The following LMO7 variants were observed in gnomAD, a reference collection of about 807,000 sequenced individuals.
LMO7 encodes LIM domain only protein 7.
LMO7 carries 120 observed loss-of-function variants against 206.5 expected under a neutral mutation model. The ratio of observed to expected loss-of-function variants is 0.58; its 90% CI spans 0.50 to 0.68. The LOEUF (loss-of-function observed/expected upper bound fraction) is 0.68, where lower values mean the gene tolerates loss of function less well. LMO7 is among the 30% of genes least tolerant of loss of function. LMO7 has a pLI of 0.00. For synonymous variants in LMO7, 706 were observed against 681.5 expected (o/e 1.04, Z -0.56); for missense variants, 1,959 against 1,957.9 (o/e 1.00, Z -0.01).
rs150991875 is a variant in LMO7 at position 75,621,869 on chromosome 13, G to A, written c.175+1G>A. The A allele has an allele frequency of 4.5e-4, 715 of 1,585,710 alleles. 1 individual carries two copies. The Middle Eastern group carries it at 9.2e-3, about 20-fold the overall frequency. On this transcript the variant is annotated splice_donor_variant, in intron 1 of 29. Coordinates refer to the LMO7 transcript ENST00000341547. LOFTEE classifies it high-confidence loss of function. ...AGGGACAGAGTCTGCAGCAAAAAAG[G>A]TAATAATAGTTCCTTGAATACTTTT...
rs1424906820 is a variant in LMO7, at chr13:75,838,214, C to A, written c.3451+18C>A. The A allele has an allele frequency of 1.3e-6, 2 of 1,597,846 alleles. No individual in the cohort carries two copies. The highest frequency in any genetic ancestry group is 1.7e-6 in the Non-Finnish European group (2 of 1,165,906). ...TGAACAAGGTAAACCACAAAGCTAACAATTCATGCACTTTCATGGAATTGT... is the reference window on the plus strand; with the variant it reads ...TGAACAAGGTAAACCACAAAGCTAAAAATTCATGCACTTTCATGGAATTGT... On this transcript the variant is annotated intron_variant, in intron 20 of 30. Transcript: ENST00000377534.
intron 1 of LMO7, among the ~76,000 whole-genome samples, chr13:75,666,332 G>A (rs1312555469): frequency 6.6e-6 from 1 of 152,216 alleles, no homozygotes; most frequent in African/African-American, 2.4e-5. Flanking sequence ...TAATTTGGAA[G>A]TTGTATGTTA....
At chr13:75,811,368 T>C (rs566413974) in intron 11 of LMO7, among the ~76,000 whole-genome samples, 2 of 152,290 alleles carry the variant, frequency 1.3e-5, no homozygotes, top group South Asian at 4.2e-4. Flanking sequence ...CTTAAGTAGA[T>C]CTGCTGCAGT....
At chr13:75,850,917 T>G (rs1223690060) in intron 27 of LMO7, among the ~76,000 whole-genome samples, 3 of 152,146 alleles carry the variant, frequency 2.0e-5, no homozygotes, top group African/African-American at 7.2e-5. Context: ...TGTAGAGGCT[T>G]CACTGAGAGC....
At chr13:75,812,069 A>T (rs567416513) in intron 11 of LMO7, among the ~76,000 whole-genome samples, 1 of 152,292 alleles carries the variant, frequency 6.6e-6, no homozygotes, top group African/African-American at 2.4e-5. Flanking sequence ...ACATTTGGCA[A>T]TGTCTGGAGG....
chr13:75,785,927 G>C (rs2052356693), intron 4 of LMO7, among the ~76,000 whole-genome samples: 1 of 152,178 alleles, frequency 6.6e-6, no homozygotes, highest in South Asian at 2.1e-4. Flanking sequence ...TTTAAGTTGT[G>C]TCTTCAGGAA....
At chr13:75,621,725 C>T (rs763998694) in exon 1 of LMO7, 21 of 1,592,492 alleles carry the variant, frequency 1.3e-5, no homozygotes, top group Middle Eastern at 1.7e-4. Flanking sequence ...CATATTTTCA[C>T]GTTTTACAGT....
intron 2 of LMO7, among the ~76,000 whole-genome samples, chr13:75,714,852 C>T (rs1281576626): frequency 6.6e-6 from 1 of 151,834 alleles, no homozygotes; most frequent in Non-Finnish European, 1.5e-5. Context: ...GGCATGTGAC[C>T]TGCAAACTAC....
At chr13:75,706,237 A>G (rs992209524) in intron 1 of LMO7, among the ~76,000 whole-genome samples, 2 of 152,210 alleles carry the variant, frequency 1.3e-5, no homozygotes, top group Admixed American at 6.5e-5. Flanking sequence ...TGGCCTCAAC[A>G]GGCCACCATT....
At chr13:75,855,493 G>A in intron 29 of LMO7, 125 bp downstream of exon 29, 2 of 522,370 alleles carry the variant, frequency 3.8e-6, no homozygotes, top group Non-Finnish European at 3.4e-6. Flanking sequence ...CATCTGTGCT[G>A]CATTTGAGTC....
intron 12 of LMO7, among the ~76,000 whole-genome samples, chr13:75,817,609 A>G (rs2057169971): frequency 1.3e-5 from 2 of 152,166 alleles, no homozygotes; most frequent in African/African-American, 4.8e-5. Flanking sequence ...ACTATACTCT[A>G]ATGGGAAAGA....
At chr13:75,816,273 G>GA (rs1436532344) in intron 11 of LMO7, among the ~76,000 whole-genome samples, 1 of 152,226 alleles carries the variant, frequency 6.6e-6, no homozygotes, top group Non-Finnish European at 1.5e-5. Context: ...TTAAAGTCAG[G>GA]AGAGCAGTAT....
rs534683311 is a variant in LMO7, at chr13:75,636,444, G to C, written c.-214G>C. 8.6e-5 allele frequency: 121 copies of C among 1,402,158 alleles called. 1 individual carries two copies. The highest frequency in any genetic ancestry group is 4.6e-4 in the Admixed American group (15 of 32,280). 86.9% of individuals were successfully genotyped at this position (1,402,158 alleles called of 1,614,324 possible). A position where few individuals can be genotyped will look rare whatever the true frequency, so the allele number is the denominator to read the frequency against. On this transcript the variant is annotated 5_prime_UTR_variant, in exon 1 of 31. Coordinates refer to ENST00000377534, the MANE Select transcript of LMO7 (RefSeq NM_001306080.2). The stretch of plus-strand genomic sequence containing the variant: ...CTTGGGTCGCTTTCAGGAGTTTAGA[G>C]AAAGCCAGGTCTTCACGTTCGTGTA...
intron 1 of LMO7, among the ~76,000 whole-genome samples, chr13:75,690,309 G>T (rs1234912793): frequency 6.6e-6 from 1 of 152,032 alleles, no homozygotes; most frequent in Non-Finnish European, 1.5e-5. Context: ...CCTCAAAGGT[G>T]GTCCAGGCTG....
intron 7 of LMO7, among the ~76,000 whole-genome samples, chr13:75,801,907 T>C (rs2140944926): frequency 6.6e-6 from 1 of 152,338 alleles, no homozygotes; most frequent in East Asian, 1.9e-4. Flanking sequence ...CGCTGCCTAA[T>C]TCCACCATGA....
At chr13:75,816,755 G>A (rs1376271160) in intron 11 of LMO7, 2 of 153,440 alleles carry the variant, frequency 1.3e-5, no homozygotes, top group African/African-American at 4.8e-5. Flanking sequence ...CCCAGAAAAG[G>A]CAGCCAAACC....
intron 1 of LMO7, among the ~76,000 whole-genome samples, chr13:75,654,985 C>G (rs368723069): frequency 1.3e-5 from 2 of 151,910 alleles, no homozygotes; most frequent in African/African-American, 4.8e-5. Context: ...ATTCTCCTGC[C>G]TCAGCCTCCT....
intron 3 of LMO7, among the ~76,000 whole-genome samples, chr13:75,731,612 G>A (rs1479494594): frequency 4.0e-5 from 6 of 151,820 alleles, no homozygotes; most frequent in Non-Finnish European, 5.9e-5. Context: ...TTTAATTGGA[G>A]CATTTAGTCC....
At chr13:75,748,178 C>CGTG (rs2047003710) in intron 3 of LMO7, among the ~76,000 whole-genome samples, 1 of 152,178 alleles carries the variant, frequency 6.6e-6, no homozygotes, top group Non-Finnish European at 1.5e-5. Flanking sequence ...GTCCCAAGGG[C>CGTG]ACCTTGATTT....
Sources: allele counts gnomAD v4.1 joint callset (sites outside exome capture counted in the v4.1 genomes callset), GRCh38; gene constraint gnomAD v4.1.1; transcripts MANE v1.5; gene names NCBI Gene and HGNC (gene_info 2026-07-23, HGNC 2026-07-21).